ABCD3: variants seen among roughly 807,000 people sequenced by gnomAD.
ABCD3 encodes ATP binding cassette subfamily D member 3.
A neutral mutation model predicts 105.5 loss-of-function variants in ABCD3; 41 were observed. The ratio of observed to expected loss-of-function variants is 0.39; its 90% confidence interval spans 0.30 to 0.50. ABCD3 has a LOEUF of 0.50. ABCD3 is among the 20% of genes least tolerant of loss of function. ABCD3 has a pLI of 0.84. For synonymous variants in ABCD3, 258 were observed against 269.0 expected (o/e 0.96, Z 0.40); for missense variants, 622 against 806.3 (o/e 0.77, Z 2.77).
chr1:94,404,843 T>C, the ABCD3 span, among the ~76,000 whole-genome samples: 1 of 151,866 alleles, frequency 6.6e-6, no homozygotes, highest in Admixed American at 6.6e-5. Context: ...TTCATTTCAG[T>C]TCCTAGAAAT....
intron 2 of ABCD3, among the ~76,000 whole-genome samples, chr1:94,464,509 A>G (rs1459681720): frequency 6.6e-6 from 1 of 151,878 alleles, no homozygotes; most frequent in African/African-American, 2.4e-5. Context: ...GGTATTTTGC[A>G]GTTGCTATTT....
rs781719724 is a variant in ABCD3, at chr1:94,506,520, AT to A, written c.1741-10del. 16 of 1,579,110 alleles carry A rather than the reference AT, an allele frequency of 1.0e-5. No homozygotes were observed. Among genetic ancestry groups the A allele is most frequent in the East Asian group, 2.2e-5 (1 of 44,508 alleles). On this transcript the variant is annotated splice_polypyrimidine_tract_variant and intron_variant, in intron 20 of 22. Coordinates refer to ENST00000370214, the MANE Select transcript of ABCD3 (RefSeq NM_002858.4). The stretch of plus-strand genomic sequence containing the variant: ...GGTCTGCCTGTGTTTTACACAAAAA[AT>A]TTTTTTTATGCTTCAGATGGCAAGA...
intron 1 of ABCD3, among the ~76,000 whole-genome samples, chr1:94,420,302 T>C (rs1659209701): frequency 6.6e-6 from 1 of 152,204 alleles, no homozygotes; most frequent in Non-Finnish European, 1.5e-5. Flanking sequence ...AACCAGTTTG[T>C]AAGACCATAG....
chr1:94,497,450 A>C (rs1424811773), intron 16 of ABCD3, among the ~76,000 whole-genome samples: 2 of 152,104 alleles, frequency 1.3e-5, no homozygotes, highest in Non-Finnish European at 2.9e-5. Context: ...TATCTTTCTG[A>C]TATTTTCTTT....
chr1:94,426,061 A>G (rs1659456225), intron 1 of ABCD3, among the ~76,000 whole-genome samples: 1 of 152,218 alleles, frequency 6.6e-6, no homozygotes, highest in Non-Finnish European at 1.5e-5. Flanking sequence ...TCTCATTTCT[A>G]TGCTTGCTAA....
the ABCD3 span, among the ~76,000 whole-genome samples, chr1:94,405,310 CTT>C: frequency 0.33 from 40,743 of 125,154 alleles, 5,719 homozygotes; most frequent in Admixed American, 0.41. Flanking sequence ...CATTATCAAG[CTT>C]TTTTTTTTTT....
chr1:94,443,119 C>G (rs1202690567), intron 1 of ABCD3, among the ~76,000 whole-genome samples: 1 of 152,122 alleles, frequency 6.6e-6, no homozygotes, highest in Non-Finnish European at 1.5e-5. Flanking sequence ...ACATCCTTGC[C>G]AACATCTGTT....
the ABCD3 span, among the ~76,000 whole-genome samples, chr1:94,412,165 TA>T: frequency 6.6e-6 from 1 of 152,142 alleles, no homozygotes; most frequent in Non-Finnish European, 1.5e-5. Context: ...GTCACCTCAT[TA>T]AAAAAATTTT....
At chr1:94,419,862 TCA>T (rs912547246) in intron 1 of ABCD3, among the ~76,000 whole-genome samples, 3 of 152,218 alleles carry the variant, frequency 2.0e-5, no homozygotes, top group African/African-American at 7.2e-5. Flanking sequence ...TTTCTTCTAT[TCA>T]GTTTGCTTTT....
intron 13 of ABCD3, 89 bp downstream of exon 13, chr1:94,488,072 G>A (rs1480039851): frequency 1.8e-6 from 2 of 1,086,854 alleles, no homozygotes; most frequent in Non-Finnish European, 2.7e-6. Context: ...TTAAGATAAG[G>A]GGTCAACATT....
rs1226352263 is a variant in ABCD3 at position 94,517,048 on chromosome 1, A to G, written c.1903-4A>G. 6.9e-6 allele frequency: 11 copies of G among 1,605,506 alleles called. No individual in the cohort carries two copies. The highest frequency in any genetic ancestry group is 2.7e-5 in the African/African-American group (2 of 74,622). ...TGACTTTTTTTCCCCCTTCTTTCCC[A>G]TAGTACTACCTGCATATGGATGGCA... On this transcript the variant is annotated splice_region_variant and splice_polypyrimidine_tract_variant and intron_variant, in intron 22 of 22. Transcript: ENST00000370214.
At chr1:94,477,575 C>A (rs74965925) in intron 7 of ABCD3, among the ~76,000 whole-genome samples, 3 of 148,722 alleles carry the variant, frequency 2.0e-5, no homozygotes, top group African/African-American at 2.5e-5. Context: ...GACCCTGTCT[C>A]AAAAAAAAAA....
At chr1:94,516,863 T>C (rs535618421) in intron 22 of ABCD3, among the ~76,000 whole-genome samples, 189 bp from the exon 23 acceptor site, 1 of 151,932 alleles carries the variant, frequency 6.6e-6, no homozygotes, top group African/African-American at 2.4e-5. Flanking sequence ...CAGTCTTGCA[T>C]TTAGCACAGT....
chr1:94,512,531 T>C (rs908048270), intron 21 of ABCD3, among the ~76,000 whole-genome samples: 6 of 152,050 alleles, frequency 3.9e-5, no homozygotes, highest in Non-Finnish European at 7.4e-5. Flanking sequence ...GTTAATAAAC[T>C]GACCTTTTCT....
upstream of ABCD3, among the ~76,000 whole-genome samples, chr1:94,418,196 C>G (rs913962804): frequency 2.6e-5 from 4 of 152,202 alleles, no homozygotes; most frequent in African/African-American, 9.6e-5. Flanking sequence ...ACAGCTCCTC[C>G]GCGCCGCGTT....
chr1:94,418,613 C>G, intron 1 of ABCD3, 25 bp downstream of exon 1: 1 of 1,569,742 alleles, frequency 6.4e-7, no homozygotes, highest in Non-Finnish European at 8.6e-7. Flanking sequence ...AGCCGTGCAG[C>G]TTTCCCGGGC....
At chr1:94,436,499 G>C (rs1428891619) in intron 1 of ABCD3, among the ~76,000 whole-genome samples, 1 of 152,124 alleles carries the variant, frequency 6.6e-6, no homozygotes, top group East Asian at 1.9e-4. Context: ...TACTGTATCT[G>C]TGTTGTCAGA....
intron 7 of ABCD3, 87 bp downstream of exon 7, chr1:94,475,824 A>C (rs776025084): frequency 6.6e-5 from 68 of 1,028,482 alleles, no homozygotes; most frequent in Non-Finnish European, 9.6e-5. Context: ...GATTTTGTGG[A>C]CATAACAGCA....
Position 94,439,529 on chromosome 1 carries a change from C to T in ABCD3, c.111-19078C>T, listed in dbSNP as rs187799114. On this transcript the variant is annotated intron_variant, in intron 1 of 22. Coordinates refer to ENST00000370214, the MANE Select transcript of ABCD3 (RefSeq NM_002858.4). ...TGGTGGCATGTGCATGTGGTCCCACCTGCTCAGGAGGCTGATACAGGAGAA... is the reference window on the plus strand; with the variant it reads ...TGGTGGCATGTGCATGTGGTCCCACTTGCTCAGGAGGCTGATACAGGAGAA... Among the ~76,000 whole-genome samples, 639 of 152,228 alleles carry T rather than the reference C, an allele frequency of 4.2e-3. 4 individuals carry two copies. Among genetic ancestry groups the T allele is most frequent in the Non-Finnish European group, 6.4e-3 (434 of 68,026 alleles).
Sources: allele counts gnomAD v4.1 joint callset (sites outside exome capture counted in the v4.1 genomes callset), GRCh38; gene constraint gnomAD v4.1.1; transcripts MANE v1.5; gene names NCBI Gene and HGNC (gene_info 2026-07-23, HGNC 2026-07-21).